Variants in IL1RAPL1 observed in about 807,000 individuals in gnomAD.
IL1RAPL1 encodes interleukin 1 receptor accessory protein like 1, also known as interleukin-1 receptor accessory protein-like 1.
In IL1RAPL1, 3 loss-of-function variants were observed where a neutral mutation model predicts 48.4. That is an observed-to-expected ratio of 0.06 (90% CI 0.03 to 0.16). The LOEUF (loss-of-function observed/expected upper bound fraction) is 0.16, where lower values mean the gene tolerates loss of function less well. Ranked by LOEUF, IL1RAPL1 falls within the 10% of genes least tolerant of loss-of-function variation. IL1RAPL1 has a pLI of 1.00. For missense variants in IL1RAPL1, 349 were observed against 530.6 expected (o/e 0.66, Z 3.36); for synonymous variants, 185 against 187.7 (o/e 0.99, Z 0.12).
chrX:29,052,495 A>C (rs1927115627), intron 2 of IL1RAPL1, among the ~76,000 whole-genome samples: 2 of 111,342 alleles, frequency 1.8e-5, no homozygotes, highest in Non-Finnish European at 3.8e-5. Flanking sequence ...TGTGTAATAG[A>C]TCACCAGAAT....
intron 6 of IL1RAPL1, among the ~76,000 whole-genome samples, chrX:29,758,874 A>G (rs1275848938): frequency 9.0e-6 from 1 of 111,502 alleles, no homozygotes; most frequent in Non-Finnish European, 1.9e-5. Flanking sequence ...GTTATTATTG[A>G]GAGTGCAAAC....
chrX:28,597,490 G>A (rs2146876602), intron 1 of IL1RAPL1, among the ~76,000 whole-genome samples: 1 of 111,533 alleles, frequency 9.0e-6, no homozygotes, highest in Non-Finnish European at 1.9e-5. Flanking sequence ...CCAGCACTTT[G>A]GGAGGCGGAG....
chrX:29,916,877 T>A (rs1365522620), intron 6 of IL1RAPL1, among the ~76,000 whole-genome samples: 1 of 112,195 alleles, frequency 8.9e-6, no homozygotes, highest in Non-Finnish European at 1.9e-5. Context: ...CAAATATTTA[T>A]TGTCACGATT....
At chrX:29,253,409 C>G (rs1345329933) in intron 2 of IL1RAPL1, among the ~76,000 whole-genome samples, 2 of 110,967 alleles carry the variant, frequency 1.8e-5, no homozygotes, top group Non-Finnish European at 3.8e-5. Context: ...CAAATTAAAT[C>G]AAAATAATGT....
At chrX:28,684,894 C>T (rs1240168048) in intron 1 of IL1RAPL1, among the ~76,000 whole-genome samples, 1 of 111,661 alleles carries the variant, frequency 9.0e-6, no homozygotes, top group Non-Finnish European at 1.9e-5. Flanking sequence ...ATAAGTGTAA[C>T]TATTAACTAC....
chrX:29,905,739 A>C (rs1348551006), intron 6 of IL1RAPL1, among the ~76,000 whole-genome samples: 1 of 111,647 alleles, frequency 9.0e-6, no homozygotes, highest in East Asian at 2.8e-4. Flanking sequence ...AATGAACAAT[A>C]AGGCAAATAT....
At chrX:29,786,580 T>A (rs149152203) in intron 6 of IL1RAPL1, among the ~76,000 whole-genome samples, 1,209 of 111,948 alleles carry the variant, frequency 0.011, 11 homozygotes, top group African/African-American at 0.037. Flanking sequence ...ATTATTTATC[T>A]GTGCCTTAAA....
At chrX:29,148,930 A>G (rs1014246989) in intron 2 of IL1RAPL1, among the ~76,000 whole-genome samples, 1 of 111,403 alleles carries the variant, frequency 9.0e-6, no homozygotes, top group Non-Finnish European at 1.9e-5. Context: ...TCAGATGCTT[A>G]TAGCTGCTTC....
intron 2 of IL1RAPL1, among the ~76,000 whole-genome samples, chrX:29,016,536 A>G (rs901511123): frequency 9.0e-6 from 1 of 111,090 alleles, no homozygotes; most frequent in Non-Finnish European, 1.9e-5. Flanking sequence ...AATATAGTAG[A>G]TTTGAACTCT....
At chrX:29,911,093 T>C (rs1235112019) in intron 6 of IL1RAPL1, among the ~76,000 whole-genome samples, 1 of 111,631 alleles carries the variant, frequency 9.0e-6, no homozygotes, top group Non-Finnish European at 1.9e-5. Flanking sequence ...AGCCAAAAAG[T>C]GGAAACAACC....
intron 6 of IL1RAPL1, among the ~76,000 whole-genome samples, chrX:29,681,845 C>T (rs997340663): frequency 9.1e-6 from 1 of 109,996 alleles, no homozygotes; most frequent in African/African-American, 3.3e-5. Context: ...GTAGATAATA[C>T]CAAAAATTGA....
Position 29,557,364 on chromosome X carries a change from C to CT in IL1RAPL1, c.704-111060dup, listed in dbSNP as rs760122505. Among the ~76,000 whole-genome samples the CT allele has an allele frequency of 4.1e-3, 456 of 111,610 alleles. 1 individual carries two copies. Among genetic ancestry groups the CT allele is most frequent in the African/African-American group, 0.014 (439 of 30,817 alleles). On this transcript the variant is annotated intron_variant, in intron 5 of 10. Coordinates refer to ENST00000378993, the MANE Select transcript of IL1RAPL1 (RefSeq NM_014271.4). Reference sequence around the variant, plus strand: ...CTTAGAGATTCTATTCTGAATCCCACTTTTTTCAGTTTTATTGAGATGTAG... The same window carrying CT: ...CTTAGAGATTCTATTCTGAATCCCACTTTTTTTCAGTTTTATTGAGATGTAG...
intron 6 of IL1RAPL1, among the ~76,000 whole-genome samples, chrX:29,848,722 TG>T (rs1931299319): frequency 8.9e-6 from 1 of 111,965 alleles, no homozygotes; most frequent in Non-Finnish European, 1.9e-5. Flanking sequence ...AGCTGAGCTC[TG>T]GTCTGGACTC....
chrX:28,939,228 C>T (rs1407328384), intron 2 of IL1RAPL1, among the ~76,000 whole-genome samples: 1 of 110,786 alleles, frequency 9.0e-6, no homozygotes, highest in African/African-American at 3.3e-5. Flanking sequence ...AAGACACATG[C>T]ATGCATATGT....
At chrX:28,840,748 C>T (rs1479713340) in intron 2 of IL1RAPL1, among the ~76,000 whole-genome samples, 1 of 110,359 alleles carries the variant, frequency 9.1e-6, no homozygotes, top group Non-Finnish European at 1.9e-5. Context: ...CTTAAGCTTC[C>T]GTGTCTAAGT....
At chrX:29,884,472 C>CT (rs1932098869) in intron 6 of IL1RAPL1, among the ~76,000 whole-genome samples, 3 of 110,802 alleles carry the variant, frequency 2.7e-5, no homozygotes, top group South Asian at 4.0e-4. Flanking sequence ...CCCTCTCACT[C>CT]TTTTTTGCTG....
intron 6 of IL1RAPL1, among the ~76,000 whole-genome samples, chrX:29,855,176 T>G (rs1024198818): frequency 8.9e-6 from 1 of 111,900 alleles, no homozygotes; most frequent in South Asian, 3.7e-4. Flanking sequence ...TTACCCCAGA[T>G]AGTGAATTTC....
At chrX:28,600,994 A>G (rs1184903104) in intron 1 of IL1RAPL1, among the ~76,000 whole-genome samples, 2 of 112,083 alleles carry the variant, frequency 1.8e-5, no homozygotes, top group Admixed American at 9.5e-5. Flanking sequence ...AAGATTTTCA[A>G]TCAAGTTAAA....
At position 29,432,712 on chromosome X, in the gene IL1RAPL1, T is replaced by C. The variant is rs747632069; in HGVS notation, c.703+33404T>C. Among the ~76,000 whole-genome samples, 3 of 111,743 alleles carry C rather than the reference T, an allele frequency of 2.7e-5. No homozygotes were observed. The South Asian group carries it at 1.1e-3, about 41-fold the overall frequency. On this transcript the variant is annotated intron_variant, in intron 5 of 10. Coordinates refer to ENST00000378993, the MANE Select transcript of IL1RAPL1 (RefSeq NM_014271.4). Reference sequence around the variant, plus strand: ...GAGAGATTTTTTAAAAGGGTTTAAATGAATGTTCTAAGATATAGCAATGAC... The same window carrying C: ...GAGAGATTTTTTAAAAGGGTTTAAACGAATGTTCTAAGATATAGCAATGAC...
Sources: allele counts gnomAD v4.1 joint callset (sites outside exome capture counted in the v4.1 genomes callset), GRCh38; gene constraint gnomAD v4.1.1; transcripts MANE v1.5; gene names NCBI Gene and HGNC (gene_info 2026-07-23, HGNC 2026-07-21).